NAT1: variants seen among roughly 807,000 people sequenced by gnomAD.
NAT1 encodes the protein arylamine N-acetyltransferase 1.
For missense variants in NAT1, 400 were observed against 339.2 expected (o/e 1.18, Z -1.41); for synonymous variants, 144 against 122.6 (o/e 1.17, Z -1.16).
intron 1 of NAT1, among the ~76,000 whole-genome samples, chr8:18,216,411 T>G (rs1169903220): frequency 2.0e-5 from 3 of 152,188 alleles, no homozygotes; most frequent in African/African-American, 7.2e-5. Context: ...CCTTGTCTTT[T>G]GCCACTTGAC....
At chr8:18,187,144 A>G (rs542764923) in intron 2 of NAT1, among the ~76,000 whole-genome samples, 2 of 152,292 alleles carry the variant, frequency 1.3e-5, no homozygotes, top group South Asian at 2.1e-4. Flanking sequence ...AAAAACCACA[A>G]TGATATACCA....
intron 1 of NAT1, among the ~76,000 whole-genome samples, chr8:18,211,590 C>A (rs562988304): frequency 1.4e-4 from 21 of 152,308 alleles, no homozygotes; most frequent in African/African-American, 4.8e-4. Flanking sequence ...TAACCCCCAC[C>A]ACCTGCCTGG....
intron 2 of NAT1, among the ~76,000 whole-genome samples, chr8:18,192,253 T>C (rs1803022290): frequency 6.6e-6 from 1 of 152,210 alleles, no homozygotes; most frequent in Admixed American, 6.5e-5. Context: ...TCATCATCAC[T>C]GGCCATCACA....
intron 2 of NAT1, among the ~76,000 whole-genome samples, chr8:18,220,119 C>T (rs1383889233): frequency 6.6e-6 from 1 of 152,122 alleles, no homozygotes; most frequent in Non-Finnish European, 1.5e-5. Flanking sequence ...GAGGGGTTGG[C>T]ATTGTCTGAC....
chr8:18,177,093 T>G (rs1802324039), intron 2 of NAT1, among the ~76,000 whole-genome samples: 1 of 152,054 alleles, frequency 6.6e-6, no homozygotes. Context: ...ATTGATCACT[T>G]TTAACAGTTT....
At chr8:18,215,233 T>C (rs1380378870) in intron 1 of NAT1, among the ~76,000 whole-genome samples, 1 of 152,264 alleles carries the variant, frequency 6.6e-6, no homozygotes, top group East Asian at 1.9e-4. Flanking sequence ...AGGTTGATTC[T>C]GTCTTTGCTA....
chr8:18,181,126 T>G (rs532855680), intron 2 of NAT1, among the ~76,000 whole-genome samples: 12 of 152,300 alleles, frequency 7.9e-5, no homozygotes, highest in Admixed American at 7.2e-4. Flanking sequence ...ATTTTTCCAA[T>G]CCATTAGCAT....
At chr8:18,199,040 G>A (rs1041022905) in intron 2 of NAT1, among the ~76,000 whole-genome samples, 8 of 151,704 alleles carry the variant, frequency 5.3e-5, no homozygotes, top group African/African-American at 1.9e-4. Flanking sequence ...TTGGCCTGGT[G>A]ATGTGGCTCA....
chr8:18,174,821 T>G (rs1335003113), intron 2 of NAT1, among the ~76,000 whole-genome samples: 1 of 152,066 alleles, frequency 6.6e-6, no homozygotes, highest in African/African-American at 2.4e-5. Context: ...AGAAAAGGAT[T>G]GGCTCTATAA....
chr8:18,216,976 A>G (rs888912240), intron 1 of NAT1: 7 of 1,550,772 alleles, frequency 4.5e-6, no homozygotes, highest in Non-Finnish European at 6.1e-6. Context: ...CCGGTCTCTG[A>G]TGATCACCAT....
chr8:18,189,937 G>A (rs1459736301), intron 2 of NAT1, among the ~76,000 whole-genome samples: 2 of 151,972 alleles, frequency 1.3e-5, no homozygotes, highest in African/African-American at 2.4e-5. Flanking sequence ...CTACATGCAC[G>A]TGCCACCACA....
chr8:18,202,686 C>T (rs113685867), intron 2 of NAT1, among the ~76,000 whole-genome samples: 144 of 152,240 alleles, frequency 9.5e-4, no homozygotes, highest in Middle Eastern at 3.4e-3. Context: ...CTGGTGGGTT[C>T]GTGGTCTCGC....
At chr8:18,202,771 G>A (rs1026952094) in intron 2 of NAT1, among the ~76,000 whole-genome samples, 1 of 152,154 alleles carries the variant, frequency 6.6e-6, no homozygotes, top group Non-Finnish European at 1.5e-5. Flanking sequence ...CCCAAAGAGT[G>A]AGGAGCAGCA....
chr8:18,219,275 C>T, intron 1 of NAT1, 136 bp from the exon 2 acceptor site: 1 of 609,822 alleles, frequency 1.6e-6, no homozygotes, highest in Non-Finnish European at 2.9e-6. Flanking sequence ...CTCAAATGTT[C>T]ACTTTACTGT....
intron 1 of NAT1, among the ~76,000 whole-genome samples, chr8:18,213,768 T>C (rs1461712800): frequency 6.6e-6 from 1 of 152,224 alleles, no homozygotes; most frequent in Admixed American, 6.5e-5. Flanking sequence ...TGGACTCTCC[T>C]AGACTCTGGT....
upstream of NAT1, among the ~76,000 whole-genome samples, chr8:18,209,107 C>A (rs1444479480): frequency 6.6e-6 from 1 of 152,226 alleles, no homozygotes; most frequent in Non-Finnish European, 1.5e-5. Flanking sequence ...AAGGGTAATT[C>A]CACCTGACCA....
chr8:18,182,631 C>T (rs544508880), intron 2 of NAT1, among the ~76,000 whole-genome samples: 1 of 152,274 alleles, frequency 6.6e-6, no homozygotes, highest in African/African-American at 2.4e-5. Context: ...GCCTATTTTT[C>T]AATCTTGATT....
At chr8:18,176,031 C>T (rs1015006319) in intron 2 of NAT1, among the ~76,000 whole-genome samples, 1 of 152,026 alleles carries the variant, frequency 6.6e-6, no homozygotes, top group Non-Finnish European at 1.5e-5. Context: ...TGTTCAGATC[C>T]TTTGCCCATT....
At chr8:18,199,698 A>T (rs990471422) in intron 2 of NAT1, among the ~76,000 whole-genome samples, 1 of 152,202 alleles carries the variant, frequency 6.6e-6, no homozygotes, top group Non-Finnish European at 1.5e-5. Context: ...GTGATGGCTG[A>T]TAAGTCACTG....
Sources: gnomAD v4.1 joint callset for allele counts (sites outside exome capture counted in the v4.1 genomes callset) on GRCh38, gnomAD v4.1.1 for gene constraint, MANE v1.5 for transcripts, NCBI Gene and HGNC (gene_info 2026-07-23, HGNC 2026-07-21) for gene names.